Variants in RCC1L observed in about 807,000 individuals in gnomAD.
RCC1L encodes the protein RCC1-like G exchanging factor-like protein.
In RCC1L, 46 loss-of-function variants were observed where a neutral mutation model predicts 58.6. The observed-to-expected ratio is 0.79, with a 90% CI of 0.62 to 1.00. The LOEUF is 1.00. Ranked by LOEUF, RCC1L falls within the 50% of genes least tolerant of loss-of-function variation. The pLI is 0.00. For synonymous variants in RCC1L, 281 were observed against 262.9 expected (o/e 1.07, Z -0.67); for missense variants, 636 against 623.6 (o/e 1.02, Z -0.21).
chr7:75,070,663 A>G lies in RCC1L; in HGVS notation c.431T>C (p.Phe144Ser). The G allele has an allele frequency of 6.2e-7, 1 of 1,614,058 alleles. No individual in the cohort carries two copies. Among genetic ancestry groups the G allele is most frequent in the Non-Finnish European group, 8.5e-7 (1 of 1,179,998 alleles). The change falls in exon 2 of 11, where the codon TTT (phenylalanine) becomes TCT (serine). Residue 144 changes from phenylalanine to serine, a missense_variant. Phe to Ser is a radical substitution (Grantham distance 155). Coordinates refer to ENST00000610322, the MANE Select transcript of RCC1L (RefSeq NM_030798.5). ...MGLNKDSQLG[F>S]HRSRKDKTRG... ...ACTTTTATCTTTCCGGCTCCTGTGA[A>G]ATCCAAGCTGAGAATCTTTGTTGAG...
At chr7:75,034,599 A>G (rs878962164) in intron 10 of RCC1L, among the ~76,000 whole-genome samples, 20,585 of 152,210 alleles carry the variant, frequency 0.14, 1,481 homozygotes, top group African/African-American at 0.17. Context: ...GTAAAGGTTG[A>G]TAGCAGAACA....
chr7:75,042,618 A>G lies in RCC1L; in HGVS notation c.*414T>C. On this transcript the variant is annotated 3_prime_UTR_variant, in exon 11 of 11. Transcript: ENST00000610322. ...CCTAAGCTGGGGCTCGGTCCGAGGC[A>G]CACGCATGGCCTTGGCCAGACACAA... 2.9e-6 allele frequency: 3 copies of G among 1,026,284 alleles called. No individual in the cohort carries two copies. The highest frequency in any genetic ancestry group is 3.5e-6 in the Non-Finnish European group (3 of 854,248). 63.6% of individuals were successfully genotyped at this position (1,026,284 alleles called of 1,614,324 possible). A position where few individuals can be genotyped will look rare whatever the true frequency, so the allele number is the denominator to read the frequency against.
At chr7:75,065,467 A>C (rs1269701258) in intron 3 of RCC1L, among the ~76,000 whole-genome samples, 2 of 152,166 alleles carry the variant, frequency 1.3e-5, no homozygotes, top group African/African-American at 4.8e-5. Context: ...AGGCAGGAGA[A>C]TCACCTGAAC....
chr7:75,057,642 G>C lies in RCC1L; in HGVS notation c.970-26C>G, dbSNP rs1018473460. 5 of 1,611,142 alleles carry C rather than the reference G, an allele frequency of 3.1e-6. No individual in the cohort carries two copies. The African/African-American group carries it at 5.3e-5, about 17-fold the overall frequency. On this transcript the variant is annotated intron_variant, in intron 7 of 10. Coordinates refer to ENST00000610322, the MANE Select transcript of RCC1L (RefSeq NM_030798.5). ...CTGAACCAAAGAAAGGAGCCACACTGTTAGGAAAGCAAGCCAGTAAGGACC... is the reference window on the plus strand; with the variant it reads ...CTGAACCAAAGAAAGGAGCCACACTCTTAGGAAAGCAAGCCAGTAAGGACC...
Position 75,061,204 on chromosome 7 carries a change from T to C in RCC1L, c.787+3A>G. On this transcript the variant is annotated splice_donor_region_variant and intron_variant, in intron 6 of 10. Transcript: ENST00000610322. ...CGACCCCAGTGCATGAAAAGAACTC[T>C]ACCTGTTTGCCCATCAGCACCCCAT... is the stretch of plus-strand genomic sequence containing the variant. The C allele has an allele frequency of 6.2e-7, 1 of 1,613,274 alleles. No homozygotes were observed. The highest frequency in any genetic ancestry group is 8.5e-7 in the Non-Finnish European group (1 of 1,179,304).
chr7:75,051,853 C>T (rs1010763011), intron 10 of RCC1L, among the ~76,000 whole-genome samples: 1 of 152,196 alleles, frequency 6.6e-6, no homozygotes, highest in Non-Finnish European at 1.5e-5. Flanking sequence ...ACACCAGTCT[C>T]TATGCAGAGA....
In RCC1L at chr7:75,070,633, T is replaced by A. The variant is rs914528552; in HGVS notation, c.454+7A>T. 2 of 1,613,710 alleles carry A rather than the reference T, an allele frequency of 1.2e-6. No homozygotes were observed. Among genetic ancestry groups the A allele is most frequent in the Admixed American group, 1.7e-5 (1 of 59,930 alleles). ...CGGCAAAGAGGAGACAAGGTAGGGATGCTCACTTTTATCTTTCCGGCTCCT... is the reference window on the plus strand; with the variant it reads ...CGGCAAAGAGGAGACAAGGTAGGGAAGCTCACTTTTATCTTTCCGGCTCCT... On this transcript the variant is annotated splice_region_variant and intron_variant, in intron 2 of 10. Coordinates refer to ENST00000610322, the MANE Select transcript of RCC1L (RefSeq NM_030798.5).
chr7:75,038,456 CAG>C (rs1455950711), downstream of RCC1L, among the ~76,000 whole-genome samples: 2 of 151,106 alleles, frequency 1.3e-5, no homozygotes, highest in Non-Finnish European at 3.0e-5. Context: ...ATTTTTGAGC[CAG>C]AGTCTTGCTC....
chr7:75,063,685 G>A (rs1000431179), intron 4 of RCC1L, among the ~76,000 whole-genome samples: 8 of 152,088 alleles, frequency 5.3e-5, no homozygotes, highest in South Asian at 2.1e-4. Context: ...TTTAGAGGCC[G>A]AGGTGGGCGG....
At chr7:75,041,128 T>C (rs898201330), downstream of RCC1L, among the ~76,000 whole-genome samples, 8 of 151,936 alleles carry the variant, frequency 5.3e-5, no homozygotes, top group Non-Finnish European at 8.8e-5. Flanking sequence ...TGAGATAGAA[T>C]TGCTTGAACC....
intron 6 of RCC1L, 91 bp downstream of exon 6, chr7:75,061,116 G>C: frequency 2.0e-6 from 2 of 1,018,644 alleles, no homozygotes; most frequent in South Asian, 2.5e-5. Flanking sequence ...TAAGGAAGAA[G>C]GGTTCTAGCC....
At chr7:75,068,893 G>A (rs1009215933) in intron 2 of RCC1L, among the ~76,000 whole-genome samples, 16 of 151,706 alleles carry the variant, frequency 1.1e-4, no homozygotes, top group Admixed American at 5.9e-4. Flanking sequence ...ATTTTGAGAC[G>A]GAGTCTTGCC....
At chr7:75,067,919 G>A (rs1402331407) in intron 2 of RCC1L, among the ~76,000 whole-genome samples, 2 of 152,102 alleles carry the variant, frequency 1.3e-5, no homozygotes, top group African/African-American at 4.8e-5. Context: ...GAAAAATGAA[G>A]AAAACGAGAC....
At position 75,042,869 on chromosome 7, in the gene RCC1L, C is replaced by G. The variant is rs1340455838; in HGVS notation, c.*163G>C. 6.8e-7 allele frequency: 1 copy of G among 1,469,050 alleles called. No homozygotes were observed. The allele number at this position is 1,469,050 out of a possible 1,614,324, so 91.0% of individuals were successfully genotyped here. On this transcript the variant is annotated 3_prime_UTR_variant, in exon 11 of 11. Transcript: ENST00000610322. ...TGGAGAGGGACCTTGCCCTGATCCT[C>G]CTGGTAGGTACCCGCTAAGGGATTC...
At chr7:75,034,923 G>A (rs1366443935) in intron 10 of RCC1L, among the ~76,000 whole-genome samples, 1 of 152,136 alleles carries the variant, frequency 6.6e-6, no homozygotes. Flanking sequence ...CAAAGTGTTG[G>A]GATCACAGGC....
At chr7:75,038,027 T>C (rs1486728109), downstream of RCC1L, among the ~76,000 whole-genome samples, 1 of 152,176 alleles carries the variant, frequency 6.6e-6, no homozygotes, top group Admixed American at 6.5e-5. Context: ...TAGTGTCCCC[T>C]GGGAGGGAGA....
At chr7:75,070,581 A>C (rs587705892) in intron 2 of RCC1L, 59 bp downstream of exon 2, 5 of 1,589,308 alleles carry the variant, frequency 3.1e-6, no homozygotes, top group Non-Finnish European at 4.3e-6. Flanking sequence ...AAAAAAATAC[A>C]AAAAAAGAGC....
chr7:75,039,677 G>A (rs1362359371), downstream of RCC1L, among the ~76,000 whole-genome samples: 3 of 152,078 alleles, frequency 2.0e-5, no homozygotes, highest in African/African-American at 4.8e-5. Context: ...TCTTCCACCC[G>A]GGTGCCTCTC....
In RCC1L at chr7:75,042,933, C is replaced by T; in HGVS notation, c.*99G>A. On this transcript the variant is annotated 3_prime_UTR_variant, in exon 11 of 11. Coordinates refer to ENST00000610322, the MANE Select transcript of RCC1L (RefSeq NM_030798.5). Reference sequence around the variant, plus strand: ...ACACTGCACGCAGGGTCCTCCGCCACCACCATCCAAGAACCCCGGGGGGCT... The same window carrying T: ...ACACTGCACGCAGGGTCCTCCGCCATCACCATCCAAGAACCCCGGGGGGCT... The T allele has an allele frequency of 1.3e-6, 2 of 1,593,824 alleles. No homozygotes were observed. The highest frequency in any genetic ancestry group is 1.3e-5 in the African/African-American group (1 of 74,820).
Sources: gnomAD v4.1 joint callset for allele counts (sites outside exome capture counted in the v4.1 genomes callset) on GRCh38, gnomAD v4.1.1 for gene constraint, MANE v1.5 for transcripts, NCBI Gene and HGNC (gene_info 2026-07-23, HGNC 2026-07-21) for gene names.